The following IL16 variants were observed in gnomAD, a reference collection of about 807,000 sequenced individuals.
IL16 encodes the protein interleukin 16.
Under a neutral mutation model 110.1 loss-of-function variants are expected in IL16, and 67 were observed. The observed-to-expected ratio is 0.61, with a 90% CI of 0.50 to 0.75. IL16 has a LOEUF of 0.75. Ranked by LOEUF, IL16 falls within the 30% of genes least tolerant of loss-of-function variation. The pLI is 0.00. For synonymous variants in IL16, 689 were observed against 662.9 expected, an observed-to-expected ratio of 1.04 and a Z score of -0.61; for missense variants, 1,545 against 1,655.0, an observed-to-expected ratio of 0.93 and a Z score of 1.15.
chr15:81,293,523 A>T (rs528376900), intron 12 of IL16, among the ~76,000 whole-genome samples: 2 of 152,284 alleles, frequency 1.3e-5, no homozygotes, highest in African/African-American at 4.8e-5. Context: ...CAAGATGGTG[A>T]AACCCTGTCT....
Position 81,247,076 on chromosome 15 carries a change from C to CTTTTTTTTTTTTTT in IL16, c.313-12689_313-12676dup, listed in dbSNP as rs57484982. Among the ~76,000 whole-genome samples the CTTTTTTTTTTTTTT allele has an allele frequency of 1.3e-3, 124 of 92,598 alleles. 2 individuals carry two copies. The highest frequency in any genetic ancestry group is 1.7e-3 in the African/African-American group (35 of 20,772). 60.7% of individuals were successfully genotyped at this position (92,598 alleles called of 152,430 possible). A position where few individuals can be genotyped will look rare whatever the true frequency, so the allele number is the denominator to read the frequency against. Reference sequence around the variant, plus strand: ...TTTGTGTTTTCTTTCTTTTCTTTTCCTTTTTTTTTTTTTTTTTTTTGATCT... The same window carrying CTTTTTTTTTTTTTT: ...TTTGTGTTTTCTTTCTTTTCTTTTCCTTTTTTTTTTTTTTTTTTTTTTTTTTTTTTTTTTGATCT... On this transcript the variant is annotated intron_variant, in intron 2 of 18. Coordinates refer to ENST00000683961, the MANE Select transcript of IL16 (RefSeq NM_172217.5).
In IL16 at chr15:81,311,347, A is replaced by G. The variant is rs1431608869; in HGVS notation, c.*2549A>G. 6.6e-6 allele frequency: 1 copy of G among 152,220 alleles called. No individual in the cohort carries two copies. Among genetic ancestry groups the G allele is most frequent in the Non-Finnish European group, 1.5e-5 (1 of 68,044 alleles). The allele number at this position is 152,220 out of a possible 1,614,324, so 9.4% of individuals were successfully genotyped here. On this transcript the variant is annotated 3_prime_UTR_variant, in exon 19 of 19. Transcript: ENST00000683961. ...CACTCAAGAAGCAGGCTACACTGAC[A>G]CTGGTATTCCTGCCTCCATATTTTC...
chr15:81,247,997 G>C (rs1433593440), intron 2 of IL16, among the ~76,000 whole-genome samples: 1 of 152,002 alleles, frequency 6.6e-6, no homozygotes, highest in Non-Finnish European at 1.5e-5. Flanking sequence ...ACTGCTTTTT[G>C]TCTGCTTGAT....
chr15:81,197,853 G>A (rs1895656727), intron 1 of IL16, among the ~76,000 whole-genome samples: 1 of 151,988 alleles, frequency 6.6e-6, no homozygotes, highest in African/African-American at 2.4e-5. Flanking sequence ...CCCTTATCAG[G>A]TGAAATCCTC....
chr15:81,300,645 GTC>G (rs1555424317), intron 14 of IL16, among the ~76,000 whole-genome samples, 170 bp downstream of exon 14: 3 of 151,446 alleles, frequency 2.0e-5, no homozygotes, highest in African/African-American at 7.3e-5. Flanking sequence ...GTGTGTGTGT[GTC>G]TGTCTGTAGG....
At chr15:81,221,852 G>GT (rs1351378845) in intron 1 of IL16, among the ~76,000 whole-genome samples, 2 of 152,126 alleles carry the variant, frequency 1.3e-5, no homozygotes, top group Non-Finnish European at 2.9e-5. Flanking sequence ...GGAAGAGCTT[G>GT]TTTTTTCAAA....
At chr15:81,233,921 G>A (rs967052344) in intron 2 of IL16, among the ~76,000 whole-genome samples, 3 of 151,912 alleles carry the variant, frequency 2.0e-5, no homozygotes, top group African/African-American at 7.2e-5. Flanking sequence ...TCTCCTTTTA[G>A]TTCTGTCAAT....
chr15:81,225,843 A>C (rs575117345), intron 2 of IL16, 132 bp downstream of exon 2: 1 of 839,340 alleles, frequency 1.2e-6, no homozygotes, highest in Non-Finnish European at 1.8e-6. Context: ...GCAAGAAAAA[A>C]GTTGAGGCAG....
At chr15:81,195,840 T>C (rs28456328), upstream of IL16, among the ~76,000 whole-genome samples, 2,895 of 152,272 alleles carry the variant, frequency 0.019, 85 homozygotes, top group African/African-American at 0.067. Flanking sequence ...GGCAGATGGA[T>C]TAAATGCCAC....
intron 10 of IL16, chr15:81,289,909 A>G (rs993922516): frequency 2.2e-6 from 1 of 454,050 alleles, no homozygotes; most frequent in Non-Finnish European, 4.4e-6. Context: ...TACAGAAGGA[A>G]GAAATGGAGG....
upstream of IL16, among the ~76,000 whole-genome samples, chr15:81,195,561 C>T (rs1259187318): frequency 1.3e-5 from 2 of 152,204 alleles, no homozygotes; most frequent in African/African-American, 4.8e-5. Context: ...AGTGCTCCCT[C>T]CTCCCGTGCT....
intron 2 of IL16, among the ~76,000 whole-genome samples, chr15:81,245,090 A>G (rs1317497171): frequency 6.6e-6 from 1 of 152,162 alleles, no homozygotes; most frequent in Non-Finnish European, 1.5e-5. Flanking sequence ...AAAACATTTT[A>G]TGACAGCTGC....
Position 81,296,911 on chromosome 15 carries a change from T to C in IL16, c.1903-17T>C. On this transcript the variant is annotated splice_polypyrimidine_tract_variant and intron_variant, in intron 12 of 18. Transcript: ENST00000683961. ...GCTACCGTTTTGACATGGTCTCGCT[T>C]CCTGTTTACACCACAGGAAGCGAGA... 1 of 1,585,370 alleles carries C rather than the reference T, an allele frequency of 6.3e-7. No individual in the cohort carries two copies. The highest frequency in any genetic ancestry group is 8.6e-7 in the Non-Finnish European group (1 of 1,164,680).
intron 13 of IL16, among the ~76,000 whole-genome samples, chr15:81,299,133 G>A (rs1180423908): frequency 6.6e-6 from 1 of 152,132 alleles, no homozygotes; most frequent in Non-Finnish European, 1.5e-5. Flanking sequence ...GATATTCTCT[G>A]AGCACCCTTC....
chr15:81,201,639 T>C (rs959098889), intron 1 of IL16, among the ~76,000 whole-genome samples: 1 of 152,228 alleles, frequency 6.6e-6, no homozygotes, highest in African/African-American at 2.4e-5. Context: ...AAGTGGTGTA[T>C]ACAAATTTAT....
chr15:81,216,524 T>G (rs908645550), intron 1 of IL16, among the ~76,000 whole-genome samples: 11 of 152,172 alleles, frequency 7.2e-5, no homozygotes, highest in Non-Finnish European at 1.6e-4. Flanking sequence ...TACTTGATAG[T>G]TTGGTCTCTC....
At chr15:81,235,757 A>C (rs904578866) in intron 2 of IL16, among the ~76,000 whole-genome samples, 10 of 152,102 alleles carry the variant, frequency 6.6e-5, no homozygotes, top group Non-Finnish European at 8.8e-5. Context: ...GGCTCTATAA[A>C]TGTTTGTGAA....
chr15:81,231,947 C>G (rs1414755367), intron 2 of IL16, among the ~76,000 whole-genome samples: 1 of 144,210 alleles, frequency 6.9e-6, no homozygotes, highest in African/African-American at 2.5e-5. Context: ...ATCTATTAGT[C>G]TTTTATTTTT....
At chr15:81,263,186 A>T (rs1898226896) in intron 3 of IL16, among the ~76,000 whole-genome samples, 1 of 152,134 alleles carries the variant, frequency 6.6e-6, no homozygotes, top group Non-Finnish European at 1.5e-5. Flanking sequence ...TGTCCCCCTC[A>T]TGAAAGATGA....
Sources: allele counts gnomAD v4.1 joint callset (sites outside exome capture counted in the v4.1 genomes callset), GRCh38; gene constraint gnomAD v4.1.1; transcripts MANE v1.5; gene names NCBI Gene and HGNC (gene_info 2026-07-23, HGNC 2026-07-21).